AEN: variants seen among roughly 807,000 people sequenced by gnomAD.
AEN encodes apoptosis enhancing nuclease, also known as apoptosis-enhancing nuclease.
AEN carries 21 observed loss-of-function variants against 17.7 expected under a neutral mutation model. That is an observed-to-expected ratio of 1.19 (90% CI 0.84 to 1.71). The LOEUF (loss-of-function observed/expected upper bound fraction) is 1.71, where lower values mean the gene tolerates loss of function less well. Among genes scored for constraint, AEN ranks in the 40% most tolerant of loss-of-function variants. The pLI is 0.00. For missense variants in AEN, 462 were observed against 435.9 expected (o/e 1.06, Z -0.53); for synonymous variants, 190 against 173.0 (o/e 1.10, Z -0.77).
upstream of AEN, among the ~76,000 whole-genome samples, chr15:88,619,716 A>C (rs1306632494): frequency 1.3e-5 from 2 of 151,028 alleles, no homozygotes; most frequent in Non-Finnish European, 3.0e-5. Context: ...AACAAAAAAA[A>C]CTCTCCTTGC....
chr15:88,626,971 A>T, intron 2 of AEN: 1 of 573,374 alleles, frequency 1.7e-6, no homozygotes, highest in Non-Finnish European at 3.1e-6. Context: ...AGGACAATGT[A>T]GAAAGGCTAC....
chr15:88,627,850 A>G (rs1320603466), intron 2 of AEN: 1 of 152,242 alleles, frequency 6.6e-6, no homozygotes, highest in Non-Finnish European at 1.5e-5. Flanking sequence ...TCATACATCA[A>G]TTGCATTGAG....
chr15:88,627,090 G>A (rs1275478357), intron 2 of AEN: 1 of 265,872 alleles, frequency 3.8e-6, no homozygotes. Flanking sequence ...TCACGTTCAG[G>A]TATGGATGTT....
At chr15:88,629,007 T>TG in intron 2 of AEN, 1 of 572,228 alleles carries the variant, frequency 1.7e-6, no homozygotes, top group Non-Finnish European at 3.1e-6. Context: ...CTTTGACAGG[T>TG]GCAGAAGACA....
At position 88,631,024 on chromosome 15, in the gene AEN, TC is replaced by T; in HGVS notation, c.*731del. 2.3e-6 allele frequency: 1 copy of T among 442,262 alleles called. No homozygotes were observed. The highest frequency in any genetic ancestry group is 4.6e-6 in the Non-Finnish European group (1 of 215,508). 27.4% of individuals were successfully genotyped at this position (442,262 alleles called of 1,614,324 possible). On this transcript the variant is annotated 3_prime_UTR_variant, in exon 4 of 4. Coordinates refer to ENST00000332810, the MANE Select transcript of AEN (RefSeq NM_022767.4). ...GGCAACAGAAAGCCCCAGGCACAGCTCAGGGAGGAGGGAAGGCAGGTAAGCT... is the reference window on the plus strand; with the variant it reads ...GGCAACAGAAAGCCCCAGGCACAGCTAGGGAGGAGGGAAGGCAGGTAAGCT...
the AEN span, among the ~76,000 whole-genome samples, chr15:88,609,366 G>A: frequency 7.6e-4 from 115 of 152,268 alleles, 1 homozygote; most frequent in Non-Finnish European, 9.4e-4. Flanking sequence ...TTATGAGAAT[G>A]GTAGCTCTAG....
the AEN span, among the ~76,000 whole-genome samples, chr15:88,613,988 C>A: frequency 1.3e-5 from 2 of 152,156 alleles, no homozygotes; most frequent in South Asian, 2.1e-4. Flanking sequence ...CTATTAGTCT[C>A]CCCTATCATG....
At chr15:88,616,767 T>C (rs1427818775), upstream of AEN, among the ~76,000 whole-genome samples, 1 of 152,264 alleles carries the variant, frequency 6.6e-6, no homozygotes, top group Non-Finnish European at 1.5e-5. Flanking sequence ...TTCTGTTTTT[T>C]ATTTTCAGTA....
intron 2 of AEN, 184 bp from the exon 3 acceptor site, chr15:88,629,042 G>C (rs1261150136): frequency 8.0e-6 from 5 of 623,630 alleles, no homozygotes; most frequent in Non-Finnish European, 1.4e-5. Context: ...GGTATAGACA[G>C]TAGAAGGGTC....
rs1170301387 is a variant in AEN at position 88,630,714 on chromosome 15, T to C, written c.*420T>C. On this transcript the variant is annotated 3_prime_UTR_variant, in exon 4 of 4. Transcript: ENST00000332810. The surrounding 1 kb of genome is among the most constrained non-coding windows in gnomAD (Gnocchi z 5.1). ...TGGGGATGGTGGGTGGGGGTGTCAA[T>C]ATCCTGGAGCTCCCTTACCCCAACT... 1.4e-5 allele frequency: 3 copies of C among 220,330 alleles called. No individual in the cohort carries two copies. The highest frequency in any genetic ancestry group is 2.8e-5 in the Non-Finnish European group (3 of 106,660). 13.6% of individuals were successfully genotyped at this position (220,330 alleles called of 1,614,324 possible).
chr15:88,617,776 T>G (rs2057750347), upstream of AEN, among the ~76,000 whole-genome samples: 1 of 152,134 alleles, frequency 6.6e-6, no homozygotes, highest in Non-Finnish European at 1.5e-5. Context: ...CGGATACAGA[T>G]AGCCCCAATT....
chr15:88,630,286 A>G lies in AEN; in HGVS notation c.970A>G (p.Arg324Gly), dbSNP rs1174513231. Reference protein sequence around the residue: ...RGGAREAQDRRN With the variant: ...RGGAREAQDRGN ...AGGAGCCAGGGAGGCACAGGACAGA[A>G]GGAATTGAGAAGGGGGCGGGGCTCC... The change falls in exon 4 of 4, where the codon AGG (arginine) becomes GGG (glycine). Residue 324 changes from arginine (R) to glycine (G), a missense_variant. Coordinates refer to ENST00000332810, the MANE Select transcript of AEN (RefSeq NM_022767.4). This position sits in a 1 kb window ranked among gnomAD's most constrained non-coding sequence, Gnocchi z 5.1. 2 of 1,579,476 alleles carry G rather than the reference A, an allele frequency of 1.3e-6. No individual in the cohort carries two copies. Among genetic ancestry groups the G allele is most frequent in the East Asian group, 2.3e-5 (1 of 43,306 alleles).
At chr15:88,608,249 G>A in the AEN span, 1 of 476,788 alleles carries the variant, frequency 2.1e-6, no homozygotes. Context: ...CCATCCAGTA[G>A]CAAAGGACAG....
chr15:88,626,178 C>A lies in AEN; in HGVS notation c.-32C>A. 6.5e-7 allele frequency: 1 copy of A among 1,533,024 alleles called. No homozygotes were observed. Among genetic ancestry groups the A allele is most frequent in the Non-Finnish European group, 8.8e-7 (1 of 1,142,098 alleles). The allele number at this position is 1,533,024 out of a possible 1,614,324, so 95.0% of individuals were successfully genotyped here. On this transcript the variant is annotated 5_prime_UTR_variant, in exon 2 of 4. Coordinates refer to ENST00000332810, the MANE Select transcript of AEN (RefSeq NM_022767.4). ...CCCCATTGGAAGATTACTCCCCAGG[C>A]TTCCCTTGCCCCAAGCAGTGAGCTG...
chr15:88,625,250 T>C lies in AEN; in HGVS notation c.-64-896T>C, dbSNP rs1302623143. 2.0e-5 allele frequency among the ~76,000 whole-genome samples: 3 copies of C among 152,344 alleles called. No individual in the cohort carries two copies. In the East Asian group the frequency reaches 5.8e-4, roughly 29 times the overall value. Reference sequence around the variant, plus strand: ...AATTACACTTAAAGGCTGGACACGGTGGCTCATACTTATAATCCCAGTACT... The same window carrying C: ...AATTACACTTAAAGGCTGGACACGGCGGCTCATACTTATAATCCCAGTACT... On this transcript the variant is annotated intron_variant, in intron 1 of 3. Coordinates refer to ENST00000332810, the MANE Select transcript of AEN (RefSeq NM_022767.4).
At chr15:88,605,398 C>T in the AEN span, among the ~76,000 whole-genome samples, 11 of 152,210 alleles carry the variant, frequency 7.2e-5, no homozygotes, top group Non-Finnish European at 1.6e-4. The surrounding 1 kb of genome is among the most constrained non-coding windows in gnomAD (Gnocchi z 7.6). Context: ...TGACTTGTTG[C>T]ATGCAGAAGA....
chr15:88,623,843 A>AAGGAGAG (rs1006909411), intron 1 of AEN, among the ~76,000 whole-genome samples: 1 of 152,210 alleles, frequency 6.6e-6, no homozygotes, highest in African/African-American at 2.4e-5. Context: ...AAATGGTGCA[A>AAGGAGAG]AGGAGAGAGG....
At chr15:88,608,514 G>A in the AEN span, among the ~76,000 whole-genome samples, 8 of 152,134 alleles carry the variant, frequency 5.3e-5, no homozygotes, top group South Asian at 4.1e-4. Flanking sequence ...ATAGATAATT[G>A]GTCCTCATTA....
intron 1 of AEN, among the ~76,000 whole-genome samples, chr15:88,623,014 A>G (rs969765351): frequency 6.6e-6 from 1 of 152,168 alleles, no homozygotes; most frequent in Non-Finnish European, 1.5e-5. Flanking sequence ...TAGGATCAGG[A>G]AAGCCACCCA....
Sources: allele counts gnomAD v4.1 joint callset (sites outside exome capture counted in the v4.1 genomes callset), GRCh38; gene constraint gnomAD v4.1.1; non-coding constraint Gnocchi (gnomAD v3.1); transcripts MANE v1.5; gene names NCBI Gene and HGNC (gene_info 2026-07-23, HGNC 2026-07-21).